CDKN2AIPNL: variants seen among roughly 807,000 people sequenced by gnomAD.
The protein encoded by CDKN2AIPNL is XRN2 binding domain containing 1.
In CDKN2AIPNL, 9 loss-of-function variants were observed where a neutral mutation model predicts 12.9. The ratio of observed to expected loss-of-function variants is 0.70; its 90% CI spans 0.42 to 1.22. CDKN2AIPNL has a LOEUF of 1.22. Ranked by LOEUF, CDKN2AIPNL falls within the 50% of genes most tolerant of loss-of-function variation. CDKN2AIPNL has a pLI of 0.00. For missense variants in CDKN2AIPNL, 143 were observed against 153.6 expected, an observed-to-expected ratio of 0.93 and a Z score of 0.37; for synonymous variants, 53 against 61.7, an observed-to-expected ratio of 0.86 and a Z score of 0.66.
rs557087317 is a variant in CDKN2AIPNL, at chr5:134,405,230, C to T, written c.340-2304G>A. Among the ~76,000 whole-genome samples the T allele has an allele frequency of 5.4e-5, 8 of 147,710 alleles. No homozygotes were observed. In the East Asian group the frequency reaches 8.2e-4, roughly 15 times the overall value. On this transcript the variant is annotated intron_variant, in intron 2 of 2. Transcript: ENST00000458198. ...ACGCCATTCTCCTGCCTCAGCCTCC[C>T]GAGTAGCTGGGACTACAGGCGCCCG...
intron 2 of CDKN2AIPNL, among the ~76,000 whole-genome samples, chr5:134,404,241 A>T (rs1759069130): frequency 6.6e-6 from 1 of 152,188 alleles, no homozygotes; most frequent in Non-Finnish European, 1.5e-5. Flanking sequence ...TTTCTAGTGG[A>T]TAAAGAGTAA....
chr5:134,407,442 A>G (rs899612797), intron 2 of CDKN2AIPNL, among the ~76,000 whole-genome samples: 4 of 152,158 alleles, frequency 2.6e-5, no homozygotes, highest in Admixed American at 6.6e-5. Context: ...CAGAAAACAT[A>G]TAAGACAGAG....
chr5:134,409,913 A>C lies in CDKN2AIPNL; in HGVS notation c.329T>G (p.Leu110Ter), dbSNP rs199545339. The part of the protein sequence containing the change: ...DLPQFTTRSE[L>*]MKKHQS ...GGAAATCCTATTTACCTTTTTCATT[A>C]ATTCACTTCTGGTAGTAAATTGTGG... Residue 110 changes from leucine to a stop codon, truncating the protein, a stop_gained, in exon 2 of 3, where the codon TTA (leucine) becomes TGA (stop). Coordinates refer to ENST00000458198, the MANE Select transcript of CDKN2AIPNL (RefSeq NM_080656.3). LOFTEE classifies it high-confidence loss of function. 54 of 1,606,438 alleles carry C rather than the reference A, an allele frequency of 3.4e-5. No individual in the cohort carries two copies. The highest frequency in any genetic ancestry group is 4.6e-5 in the Non-Finnish European group (54 of 1,175,488).
intron 2 of CDKN2AIPNL, among the ~76,000 whole-genome samples, chr5:134,408,895 C>T (rs1281216379): frequency 1.3e-5 from 2 of 152,050 alleles, no homozygotes; most frequent in Non-Finnish European, 2.9e-5. Flanking sequence ...GTGGGGTGTA[C>T]TATTTGGGAC....
Position 134,411,857 on chromosome 5 carries a change from T to G in CDKN2AIPNL, c.-3A>C. 1 of 1,559,794 alleles carries G rather than the reference T, an allele frequency of 6.4e-7. No individual in the cohort carries two copies. The highest frequency in any genetic ancestry group is 1.2e-5 in the South Asian group (1 of 85,666). On this transcript the variant is annotated 5_prime_UTR_variant, in exon 1 of 3. Coordinates refer to ENST00000458198, the MANE Select transcript of CDKN2AIPNL (RefSeq NM_080656.3). ...GCAGCCGCCTCGCCACCGACCATGG[T>G]GCCCGCCGCAGCCGAGGACCGGATA...
chr5:134,409,955 A>G lies in CDKN2AIPNL; in HGVS notation c.287T>C (p.Ile96Thr), dbSNP rs1302731689. The change falls in exon 2 of 3, where the codon ATT (isoleucine) becomes ACT (threonine). Residue 96 changes from isoleucine (I) to threonine (T), a missense_variant. By Grantham distance (89) the Ile-to-Thr change is moderately conservative. Coordinates refer to ENST00000458198, the MANE Select transcript of CDKN2AIPNL (RefSeq NM_080656.3). ...LDKVMEMADGIEVEDLPQFTT... is the reference protein window; with the variant it reads ...LDKVMEMADGTEVEDLPQFTT... ...AAATTGTGGCAGGTCTTCCACTTCA[A>G]TCCCATCGGCCATTTCCATCACCTT... 9 of 1,612,992 alleles carry G rather than the reference A, an allele frequency of 5.6e-6. No individual in the cohort carries two copies. Among genetic ancestry groups the G allele is most frequent in the Non-Finnish European group, 7.6e-6 (9 of 1,179,854 alleles).
intron 1 of CDKN2AIPNL, chr5:134,410,782 A>C: frequency 1.8e-6 from 1 of 544,170 alleles, no homozygotes; most frequent in Non-Finnish European, 3.3e-6. Context: ...GCAGGGGCCA[A>C]ATGACCAGAG....
At chr5:134,405,669 C>A (rs1487094313) in intron 2 of CDKN2AIPNL, among the ~76,000 whole-genome samples, 1 of 152,122 alleles carries the variant, frequency 6.6e-6, no homozygotes, top group African/African-American at 2.4e-5. Flanking sequence ...CCTGCCTCGG[C>A]CTCCCAAAGT....
At position 134,402,816 on chromosome 5, in the gene CDKN2AIPNL, C is replaced by T; in HGVS notation, c.*99G>A. On this transcript the variant is annotated 3_prime_UTR_variant, in exon 3 of 3. Transcript: ENST00000458198. ...CACCTGCCTCTTTATGTTGGTAATA[C>T]CAGGAGTCTTAAGAGAGCTGCTGTG... 2.9e-6 allele frequency: 3 copies of T among 1,041,834 alleles called. No homozygotes were observed. The highest frequency in any genetic ancestry group is 4.3e-6 in the Non-Finnish European group (3 of 697,502). The allele number at this position is 1,041,834 out of a possible 1,614,324, so 64.5% of individuals were successfully genotyped here. A position where few individuals can be genotyped will look rare whatever the true frequency, so the allele number is the denominator to read the frequency against.
chr5:134,405,605 C>T (rs1231955871), intron 2 of CDKN2AIPNL, among the ~76,000 whole-genome samples: 12 of 151,772 alleles, frequency 7.9e-5, no homozygotes, highest in African/African-American at 2.4e-4. Flanking sequence ...TTAGCAGAGA[C>T]GGGGTTTCAC....
intron 2 of CDKN2AIPNL, among the ~76,000 whole-genome samples, chr5:134,407,066 A>C (rs1220555924): frequency 2.0e-5 from 3 of 152,214 alleles, no homozygotes; most frequent in Non-Finnish European, 4.4e-5. Context: ...GGCTTCTTCC[A>C]CATAGCTAAC....
chr5:134,403,051 G>T, intron 2 of CDKN2AIPNL, 125 bp from the exon 3 acceptor site: 1 of 660,210 alleles, frequency 1.5e-6, no homozygotes, highest in Non-Finnish European at 2.4e-6. Context: ...AGTATACTCA[G>T]AAATTATTAA....
intron 1 of CDKN2AIPNL, among the ~76,000 whole-genome samples, chr5:134,410,245 C>T (rs1759171313): frequency 6.6e-6 from 1 of 152,152 alleles, no homozygotes; most frequent in Non-Finnish European, 1.5e-5. Flanking sequence ...AAGCAATTCT[C>T]CTGCCTCAGC....
At chr5:134,411,122 A>G in intron 1 of CDKN2AIPNL, 1 of 702,542 alleles carries the variant, frequency 1.4e-6, no homozygotes, top group South Asian at 1.5e-5. Context: ...TACAGATTAC[A>G]TCCTCTCATT....
In CDKN2AIPNL at chr5:134,405,201, G is replaced by C. The variant is rs535245850; in HGVS notation, c.340-2275C>G. 8.2e-3 allele frequency among the ~76,000 whole-genome samples: 1,236 copies of C among 150,614 alleles called. 14 individuals carry two copies. Among genetic ancestry groups the C allele is most frequent in the African/African-American group, 0.028 (1,147 of 40,938 alleles). ...GCTCACTGCAAGCTCCGCCTCCCAGGTTCACGCCATTCTCCTGCCTCAGCC... is the reference window on the plus strand; with the variant it reads ...GCTCACTGCAAGCTCCGCCTCCCAGCTTCACGCCATTCTCCTGCCTCAGCC... On this transcript the variant is annotated intron_variant, in intron 2 of 2. Coordinates refer to ENST00000458198, the MANE Select transcript of CDKN2AIPNL (RefSeq NM_080656.3).
intron 2 of CDKN2AIPNL, among the ~76,000 whole-genome samples, chr5:134,407,572 G>A (rs1334633151): frequency 6.6e-6 from 1 of 151,702 alleles, no homozygotes. Context: ...TCAGGAGTTC[G>A]AGAACAACTT....
intron 2 of CDKN2AIPNL, among the ~76,000 whole-genome samples, chr5:134,406,339 A>G (rs1030779571): frequency 6.6e-6 from 1 of 152,198 alleles, no homozygotes; most frequent in African/African-American, 2.4e-5. Context: ...TAAAGCATCA[A>G]TTCTGGGCAG....
At chr5:134,411,117 A>T (rs1759184340) in intron 1 of CDKN2AIPNL, 1 of 702,568 alleles carries the variant, frequency 1.4e-6, no homozygotes, top group Non-Finnish European at 2.6e-6. Flanking sequence ...TAGGATACAG[A>T]TTACATCCTC....
At chr5:134,411,179 T>TA (rs1302880291) in intron 1 of CDKN2AIPNL, 6 of 693,914 alleles carry the variant, frequency 8.6e-6, no homozygotes, top group Non-Finnish European at 1.6e-5. Context: ...TGGCCCCAGG[T>TA]ATATCACTTC....
Sources: gnomAD v4.1 joint callset for allele counts (sites outside exome capture counted in the v4.1 genomes callset) on GRCh38, gnomAD v4.1.1 for gene constraint, MANE v1.5 for transcripts, NCBI Gene and HGNC (gene_info 2026-07-23, HGNC 2026-07-21) for gene names.